IGSF5: variants seen among roughly 807,000 people sequenced by gnomAD.
IGSF5 encodes the protein immunoglobulin superfamily member 5, also known as immunoglobulin superfamily 5 like.
A neutral mutation model predicts 39.4 loss-of-function variants in IGSF5; 41 were observed. The ratio of observed to expected loss-of-function variants is 1.04; its 90% CI spans 0.81 to 1.35. IGSF5 has a LOEUF of 1.35. Among genes scored for constraint, IGSF5 ranks in the 40% most tolerant of loss-of-function variants. The probability of loss-of-function intolerance (pLI) is 0.00; values close to 1 mark genes in which losing one functional copy is unlikely to be tolerated. For missense variants in IGSF5, 487 were observed against 494.6 expected (o/e 0.98, Z 0.15); for synonymous variants, 183 against 175.3 (o/e 1.04, Z -0.34).
intron 5 of IGSF5, among the ~76,000 whole-genome samples, chr21:39,787,014 T>G (rs773473026): frequency 6.6e-6 from 1 of 152,048 alleles, no homozygotes; most frequent in African/African-American, 2.4e-5. Flanking sequence ...TGCTAGATGG[T>G]GAGTTAGTGG....
chr21:39,748,801 G>A lies in IGSF5; in HGVS notation c.100+2503G>A, dbSNP rs372595879. ...TTTTTTATTTTAATGGAGTGGTTGTGGTCAACTGAAGTTCCACCAGAAAAC... is the reference window on the plus strand; with the variant it reads ...TTTTTTATTTTAATGGAGTGGTTGTAGTCAACTGAAGTTCCACCAGAAAAC... On this transcript the variant is annotated intron_variant, in intron 2 of 8. Coordinates refer to ENST00000380588, the MANE Select transcript of IGSF5 (RefSeq NM_001080444.2). Among the ~76,000 whole-genome samples the A allele has an allele frequency of 4.4e-5, 5 of 113,078 alleles. No individual in the cohort carries two copies. In the East Asian group the frequency reaches 1.2e-3, roughly 26 times the overall value. The allele number at this position is 113,078 out of a possible 152,430, so 74.2% of individuals were successfully genotyped here. A position where few individuals can be genotyped will look rare whatever the true frequency, so the allele number is the denominator to read the frequency against.
intron 8 of IGSF5, among the ~76,000 whole-genome samples, chr21:39,798,629 C>T (rs781427269): frequency 1.3e-5 from 2 of 152,162 alleles, no homozygotes; most frequent in Non-Finnish European, 2.9e-5. Context: ...TCTCTGAATA[C>T]GTCATCTTTG....
At chr21:39,749,446 C>T (rs926625630) in intron 2 of IGSF5, among the ~76,000 whole-genome samples, 7 of 152,192 alleles carry the variant, frequency 4.6e-5, no homozygotes, top group African/African-American at 1.7e-4. Flanking sequence ...CTCCTGACCT[C>T]AGGTGATCTG....
chr21:39,749,213 GT>G (rs35333249), intron 2 of IGSF5, among the ~76,000 whole-genome samples: 53,609 of 138,748 alleles, frequency 0.39, 9,746 homozygotes, highest in Admixed American at 0.5. Flanking sequence ...AGACAAATAG[GT>G]TTTTTTTTTT....
chr21:39,751,368 T>A (rs1602365098), intron 2 of IGSF5: 1 of 152,344 alleles, frequency 6.6e-6, no homozygotes, highest in East Asian at 1.9e-4. Flanking sequence ...CTGTGACAGG[T>A]GTTTGTCAAG....
the IGSF5 span, among the ~76,000 whole-genome samples, chr21:39,717,138 T>C: frequency 0.34 from 51,526 of 152,096 alleles, 9,708 homozygotes; most frequent in Middle Eastern, 0.53. Flanking sequence ...CTTGGACGCA[T>C]GTATGTCTTC....
chr21:39,754,050 A>G, intron 2 of IGSF5, among the ~76,000 whole-genome samples: 1 of 152,140 alleles, frequency 6.6e-6, no homozygotes, highest in East Asian at 1.9e-4. Flanking sequence ...TTACCTAGAT[A>G]CTTCTATTTT....
rs956489831 is a variant in IGSF5 at position 39,781,646 on chromosome 21, A to G, written c.934+2341A>G. On this transcript the variant is annotated intron_variant, in intron 5 of 8. Coordinates refer to ENST00000380588, the MANE Select transcript of IGSF5 (RefSeq NM_001080444.2). ...AGCCTGGCCAACAGGGTGTCATCAT[A>G]CTGTTTAGTTTATGCCAACCTGGAA... is the stretch of plus-strand genomic sequence containing the variant. 3.3e-5 allele frequency among the ~76,000 whole-genome samples: 5 copies of G among 152,186 alleles called. No individual in the cohort carries two copies. In the East Asian group the frequency reaches 9.6e-4, roughly 29 times the overall value.
chr21:39,748,420 C>T (rs756260441), intron 2 of IGSF5, among the ~76,000 whole-genome samples: 4 of 140,896 alleles, frequency 2.8e-5, no homozygotes, highest in Non-Finnish European at 4.6e-5. Context: ...AAACAATTCT[C>T]CTGCCTCAGC....
chr21:39,749,023 AAGAC>A (rs1221101822), intron 2 of IGSF5, among the ~76,000 whole-genome samples: 2 of 149,152 alleles, frequency 1.3e-5, no homozygotes, highest in Non-Finnish European at 2.9e-5. Context: ...AGAAACATAA[AAGAC>A]AAATTAACGG....
chr21:39,791,802 A>T, intron 6 of IGSF5: 1 of 506,014 alleles, frequency 2.0e-6, no homozygotes, highest in East Asian at 3.0e-5. Context: ...ATAAACTTTC[A>T]TCTCTCCCCA....
the IGSF5 span, among the ~76,000 whole-genome samples, chr21:39,715,006 TCTTC>T: frequency 0.02 from 2,996 of 151,372 alleles, 38 homozygotes; most frequent in South Asian, 0.047. Context: ...GGGCCAGGAC[TCTTC>T]CTTCCTTCCT....
chr21:39,720,037 A>C, the IGSF5 span, among the ~76,000 whole-genome samples: 3 of 152,196 alleles, frequency 2.0e-5, no homozygotes, highest in Non-Finnish European at 4.4e-5. Flanking sequence ...AAACATTGTG[A>C]ATATAGTATA....
chr21:39,726,439 G>A, the IGSF5 span, among the ~76,000 whole-genome samples: 6 of 152,122 alleles, frequency 3.9e-5, no homozygotes, highest in Non-Finnish European at 5.9e-5. Flanking sequence ...GTCTCATGTC[G>A]GGGTCCACCA....
At chr21:39,737,203 CCACT>C in the IGSF5 span, among the ~76,000 whole-genome samples, 2 of 151,678 alleles carry the variant, frequency 1.3e-5, no homozygotes, top group Non-Finnish European at 2.9e-5. Context: ...AAACCCCTCA[CCACT>C]CAATGTGCTT....
intron 2 of IGSF5, among the ~76,000 whole-genome samples, chr21:39,764,112 C>A (rs1225406407): frequency 6.6e-6 from 1 of 152,126 alleles, no homozygotes; most frequent in African/African-American, 2.4e-5. Flanking sequence ...GACCTAAAGC[C>A]AGTGGGCCCC....
chr21:39,738,402 G>T, the IGSF5 span, among the ~76,000 whole-genome samples: 1 of 152,156 alleles, frequency 6.6e-6, no homozygotes, highest in Non-Finnish European at 1.5e-5. The surrounding 1 kb of genome is among the most constrained non-coding windows in gnomAD (Gnocchi z 6.4). Flanking sequence ...CCCACAATAC[G>T]CAGGAATTAA....
At chr21:39,777,884 T>C (rs1345834605) in intron 4 of IGSF5, among the ~76,000 whole-genome samples, 1 of 152,206 alleles carries the variant, frequency 6.6e-6, no homozygotes, top group Non-Finnish European at 1.5e-5. Context: ...GAGCTGTTTT[T>C]GAACTCCAGT....
intron 1 of IGSF5, 107 bp downstream of exon 1, chr21:39,745,633 G>A: frequency 1.5e-6 from 1 of 670,122 alleles, no homozygotes; most frequent in Non-Finnish European, 2.7e-6. Flanking sequence ...GCCTCTAGTT[G>A]GCCCTTGGTT....
Sources: gnomAD v4.1 joint callset for allele counts (sites outside exome capture counted in the v4.1 genomes callset) on GRCh38, gnomAD v4.1.1 for gene constraint, Gnocchi (gnomAD v3.1) non-coding constraint, MANE v1.5 for transcripts, NCBI Gene and HGNC (gene_info 2026-07-23, HGNC 2026-07-21) for gene names.